Variants in ARHGEF18 observed in about 807,000 individuals in gnomAD.
ARHGEF18 encodes the protein Rho/Rac guanine nucleotide exchange factor 18.
A neutral mutation model predicts 155.7 loss-of-function variants in ARHGEF18; 93 were observed. That is an observed-to-expected ratio of 0.60 (90% confidence interval 0.50 to 0.71). ARHGEF18 has a LOEUF of 0.71. ARHGEF18 is among the 30% of genes least tolerant of loss of function. The pLI is 0.00. For missense variants in ARHGEF18, 1,593 were observed against 1,816.1 expected (o/e 0.88, Z 2.23); for synonymous variants, 742 against 753.1 (o/e 0.99, Z 0.24).
At position 7,358,523 on chromosome 19, in the gene ARHGEF18, T is replaced by C. The variant is rs1005173477; in HGVS notation, c.-110-4258T>C. Among the ~76,000 whole-genome samples the C allele has an allele frequency of 8.6e-5, 13 of 151,260 alleles. No homozygotes were observed. The South Asian group carries it at 2.7e-3, about 32-fold the overall frequency. ...ATCCATCCATCCATCCTTCTACACA[T>C]CCACCCATCCATTCAACCATCCACT... On this transcript the variant is annotated intron_variant, in intron 1 of 28. Coordinates refer to ENST00000668164, the MANE Select transcript of ARHGEF18 (RefSeq NM_001367823.1).
At chr19:7,373,606 G>C (rs887912217) in intron 3 of ARHGEF18, among the ~76,000 whole-genome samples, 3 of 151,906 alleles carry the variant, frequency 2.0e-5, no homozygotes, top group Admixed American at 1.3e-4. Context: ...CTCCCGAGTA[G>C]CTGGGATTAC....
chr19:7,374,994 G>A (rs535939565), intron 3 of ARHGEF18, among the ~76,000 whole-genome samples: 9 of 152,210 alleles, frequency 5.9e-5, no homozygotes, highest in South Asian at 2.1e-4. Context: ...AATTCAGGCC[G>A]GGTGCAGTGG....
At chr19:7,422,305 C>A (rs990990902) in intron 10 of ARHGEF18, among the ~76,000 whole-genome samples, 1 of 151,942 alleles carries the variant, frequency 6.6e-6, no homozygotes, top group Non-Finnish European at 1.5e-5. Context: ...TAATCTTCAT[C>A]TCTGGCCACA....
chr19:7,472,760 C>T (rs1977100032), downstream of ARHGEF18: 5 of 343,810 alleles, frequency 1.5e-5, no homozygotes, highest in South Asian at 1.1e-4. Flanking sequence ...AGACCAGTGG[C>T]AGGTTCTCAG....
Position 7,441,502 on chromosome 19 carries a change from A to G in ARHGEF18, c.1107-151A>G, listed in dbSNP as rs1974640526. On this transcript the variant is annotated intron_variant, in intron 11 of 28. Transcript: ENST00000668164. The stretch of plus-strand genomic sequence containing the variant: ...GCAAATCTCCCAATTTTTAAAAATG[A>G]TCTGTAGACAAAGTTGAGGCTTCTG... 3 of 635,860 alleles carry G rather than the reference A, an allele frequency of 4.7e-6. No homozygotes were observed. The East Asian group carries it at 8.3e-5, about 18-fold the overall frequency. The allele number at this position is 635,860 out of a possible 1,614,324, so 39.4% of individuals were successfully genotyped here.
chr19:7,377,882 C>T (rs982271606), intron 5 of ARHGEF18, among the ~76,000 whole-genome samples: 3 of 151,542 alleles, frequency 2.0e-5, no homozygotes, highest in South Asian at 2.1e-4. Flanking sequence ...GTCCAGAGTT[C>T]GAGACCACCC....
chr19:7,374,768 C>T (rs9329371), intron 3 of ARHGEF18, among the ~76,000 whole-genome samples: 28,942 of 151,962 alleles, frequency 0.19, 6,231 homozygotes, highest in African/African-American at 0.52. Flanking sequence ...AGTACGGCCA[C>T]GATCAGCACC....
Position 7,467,619 on chromosome 19 carries a change from C to A in ARHGEF18, c.3415C>A (p.Leu1139Met). 3 of 1,513,988 alleles carry A rather than the reference C, an allele frequency of 2.0e-6. No homozygotes were observed. In the South Asian group the frequency reaches 3.7e-5, roughly 18 times the overall value. The allele number at this position is 1,513,988 out of a possible 1,614,324, so 93.8% of individuals were successfully genotyped here. A position where few individuals can be genotyped will look rare whatever the true frequency, so the allele number is the denominator to read the frequency against. The change falls in exon 26 of 29, where the codon CTG (leucine) becomes ATG (methionine). Residue 1139 changes from leucine (L) to methionine (M), a missense_variant. Leu to Met is a conservative substitution (Grantham distance 15). Transcript: ENST00000668164. ...GGAGCGCGAGCGGGAGCGCCTGGAG[C>A]TGCTGCGCCGCCTCAAGAAGCAGAA... ...AVERERERLE[L>M]LRRLKKQNTA...
At chr19:7,465,645 G>A (rs1470915414) in intron 23 of ARHGEF18, among the ~76,000 whole-genome samples, 1 of 152,166 alleles carries the variant, frequency 6.6e-6, no homozygotes, top group Non-Finnish European at 1.5e-5. Context: ...CTGGGCTCAA[G>A]CAATCCTCCT....
At chr19:7,358,457 T>C (rs1413059614) in intron 1 of ARHGEF18, among the ~76,000 whole-genome samples, 1 of 150,676 alleles carries the variant, frequency 6.6e-6, no homozygotes, top group East Asian at 2.0e-4. Flanking sequence ...TCCATCCATC[T>C]ACCTATCCAA....
intron 10 of ARHGEF18, among the ~76,000 whole-genome samples, chr19:7,394,214 A>C (rs1971551703): frequency 6.6e-6 from 1 of 151,750 alleles, no homozygotes; most frequent in African/African-American, 2.4e-5. Flanking sequence ...CAGCCTCTGG[A>C]GGAGTTGGGA....
In ARHGEF18 at chr19:7,451,137, T is replaced by C. The variant is rs1377585269; in HGVS notation, c.1738-12T>C. 5 of 1,564,746 alleles carry C rather than the reference T, an allele frequency of 3.2e-6. No individual in the cohort carries two copies. The Admixed American group carries it at 9.1e-5, about 29-fold the overall frequency. ...GAGATGTTAATACAGGATCTTGCTT[T>C]CTGTTTCCTAGAAAATTGGCAACTT... On this transcript the variant is annotated splice_polypyrimidine_tract_variant and intron_variant, in intron 15 of 28. Coordinates refer to ENST00000668164, the MANE Select transcript of ARHGEF18 (RefSeq NM_001367823.1).
intron 10 of ARHGEF18, among the ~76,000 whole-genome samples, chr19:7,433,904 A>T (rs1347709755): frequency 6.6e-6 from 1 of 151,706 alleles, no homozygotes; most frequent in African/African-American, 2.4e-5. Flanking sequence ...CTGTAATTCC[A>T]GCTACTCGAG....
downstream of ARHGEF18, among the ~76,000 whole-genome samples, chr19:7,474,904 G>C (rs756370961): frequency 6.6e-6 from 1 of 152,036 alleles, no homozygotes; most frequent in East Asian, 1.9e-4. Flanking sequence ...GCCCTGGGGG[G>C]CTTGGAGGCA....
intron 10 of ARHGEF18, among the ~76,000 whole-genome samples, chr19:7,402,692 G>A (rs1163196195): frequency 2.0e-5 from 3 of 152,126 alleles, no homozygotes; most frequent in African/African-American, 7.2e-5. Flanking sequence ...AAGGGGACCA[G>A]CTTGCCCCGT....
chr19:7,411,399 C>G (rs1334249021), intron 10 of ARHGEF18, among the ~76,000 whole-genome samples: 2 of 151,962 alleles, frequency 1.3e-5, no homozygotes, highest in African/African-American at 4.8e-5. Flanking sequence ...CTCCACCTCC[C>G]AGGTTCAAGC....
chr19:7,465,469 C>T (rs1310731247), intron 23 of ARHGEF18, among the ~76,000 whole-genome samples: 1 of 146,694 alleles, frequency 6.8e-6, no homozygotes, highest in Admixed American at 7.0e-5. Context: ...AGGGCAGTGG[C>T]GTGATCACAG....
rs1976961074 is a variant in ARHGEF18, at chr19:7,470,502, C to A, written c.*204C>A. ...GTAGGGTTAGCGGTGGTGCCGGGGT[C>A]ACTTTCTGAATCTCTTTTTTTTTTT... On this transcript the variant is annotated 3_prime_UTR_variant, in exon 29 of 29. Transcript: ENST00000668164. The surrounding 1 kb of genome is among the most constrained non-coding windows in gnomAD (Gnocchi z 5.9). 4 of 433,488 alleles carry A rather than the reference C, an allele frequency of 9.2e-6. No individual in the cohort carries two copies. Among genetic ancestry groups the A allele is most frequent in the Non-Finnish European group, 1.5e-5 (4 of 259,696 alleles). The allele number at this position is 433,488 out of a possible 1,614,324, so 26.9% of individuals were successfully genotyped here.
Position 7,470,172 on chromosome 19 carries a change from C to T in ARHGEF18, c.3960C>T (p.Ser1320=), listed in dbSNP as rs546637101. The T allele has an allele frequency of 1.5e-5, 24 of 1,612,112 alleles. No homozygotes were observed. Among genetic ancestry groups the T allele is most frequent in the South Asian group, 6.6e-5 (6 of 91,064 alleles). The change falls in exon 29 of 29, where the codon TCC becomes TCT. Residue 1320 remains serine, a synonymous_variant. Transcript: ENST00000668164. The surrounding 1 kb of genome is among the most constrained non-coding windows in gnomAD (Gnocchi z 5.9). ...APSPPPADSP[S]EGFSLKAGGT... is the part of the protein sequence containing the mutation. ...GCCCACCGCCAGCTGACAGCCCCTCCGAGGGCTTCTCTCTCAAGGCCGGGG... is the reference window on the plus strand; with the variant it reads ...GCCCACCGCCAGCTGACAGCCCCTCTGAGGGCTTCTCTCTCAAGGCCGGGG...
Sources: gnomAD v4.1 joint callset for allele counts (sites outside exome capture counted in the v4.1 genomes callset) on GRCh38, gnomAD v4.1.1 for gene constraint, Gnocchi (gnomAD v3.1) non-coding constraint, MANE v1.5 for transcripts, NCBI Gene and HGNC (gene_info 2026-07-23, HGNC 2026-07-21) for gene names.